The following RALYL variants were observed in gnomAD, a reference collection of about 807,000 sequenced individuals.
RALYL encodes the protein RALY RNA binding protein like, also known as RNA-binding Raly-like protein.
In RALYL, 29 loss-of-function variants were observed where a neutral mutation model predicts 35.1. That is an observed-to-expected ratio of 0.83 (90% CI 0.61 to 1.13). The LOEUF (loss-of-function observed/expected upper bound fraction) is 1.13, where lower values mean the gene tolerates loss of function less well. Among genes scored for constraint, RALYL ranks in the 50% most tolerant of loss-of-function variants. The pLI is 0.00. For synonymous variants in RALYL, 120 were observed against 127.6 expected, an observed-to-expected ratio of 0.94 and a Z score of 0.40; for missense variants, 359 against 360.4, an observed-to-expected ratio of 1.00 and a Z score of 0.03.
chr8:84,431,358 ATT>A (rs999991091), intron 1 of RALYL, among the ~76,000 whole-genome samples: 1 of 151,296 alleles, frequency 6.6e-6, no homozygotes, highest in African/African-American at 2.4e-5. Flanking sequence ...CAAAGTTAGG[ATT>A]TTTTTTTCGT....
chr8:84,191,805 A>G (rs1321985276), intron 1 of RALYL, among the ~76,000 whole-genome samples: 3 of 152,330 alleles, frequency 2.0e-5, no homozygotes, highest in African/African-American at 7.2e-5. Context: ...TTAAATTGAG[A>G]TAATTAAATG....
At chr8:84,393,682 G>C (rs940520309) in intron 1 of RALYL, among the ~76,000 whole-genome samples, 2 of 152,042 alleles carry the variant, frequency 1.3e-5, no homozygotes, top group Admixed American at 6.6e-5. Flanking sequence ...CTGCTACACA[G>C]AATAGTGTAT....
At chr8:84,497,222 T>C (rs1289328345) in intron 1 of RALYL, among the ~76,000 whole-genome samples, 3 of 152,082 alleles carry the variant, frequency 2.0e-5, no homozygotes, top group Non-Finnish European at 4.4e-5. Flanking sequence ...CTCTCAAGCA[T>C]GTAGAGGGAG....
intron 1 of RALYL, among the ~76,000 whole-genome samples, chr8:84,434,445 T>G (rs2047484818): frequency 6.6e-6 from 1 of 152,136 alleles, no homozygotes; most frequent in Admixed American, 6.6e-5. Context: ...TGTGAAATAT[T>G]CAAAAGTATA....
intron 2 of RALYL, among the ~76,000 whole-genome samples, chr8:84,708,800 T>C (rs778800509): frequency 1.7e-4 from 26 of 152,172 alleles, no homozygotes; most frequent in Non-Finnish European, 3.5e-4. Context: ...TTTGGAGTTT[T>C]ATAAAAGACA....
chr8:84,717,882 A>G (rs953550405), intron 2 of RALYL, among the ~76,000 whole-genome samples: 4 of 152,156 alleles, frequency 2.6e-5, no homozygotes, highest in Non-Finnish European at 5.9e-5. Context: ...TATGTACTTA[A>G]TAACCGTACA....
chr8:84,469,518 G>A (rs552932213), intron 1 of RALYL, among the ~76,000 whole-genome samples: 13 of 152,274 alleles, frequency 8.5e-5, no homozygotes, highest in East Asian at 1.9e-4. Flanking sequence ...CTCCAGCTGC[G>A]TCCTGGGAGA....
At chr8:84,457,651 C>T (rs915270347) in intron 1 of RALYL, among the ~76,000 whole-genome samples, 3 of 151,752 alleles carry the variant, frequency 2.0e-5, no homozygotes, top group Non-Finnish European at 2.9e-5. Flanking sequence ...TATCTTACGC[C>T]TTGTCTTAAC....
intron 6 of RALYL, among the ~76,000 whole-genome samples, chr8:84,870,153 T>A (rs1230918969): frequency 2.6e-5 from 4 of 152,170 alleles, no homozygotes; most frequent in Non-Finnish European, 5.9e-5. Flanking sequence ...CTGATTTTTG[T>A]TTGGTAATTC....
rs571914463 is a variant in RALYL at position 84,354,082 on chromosome 8, C to T, written c.-24+169658C>T. Reference sequence around the variant, plus strand: ...AAAAATAGATTTTTTTTTTTTCACACAGCCCTTTAAAAGAAAGTGTATTGT... The same window carrying T: ...AAAAATAGATTTTTTTTTTTTCACATAGCCCTTTAAAAGAAAGTGTATTGT... On this transcript the variant is annotated intron_variant, in intron 1 of 8. Coordinates refer to ENST00000521268, the MANE Select transcript of RALYL (RefSeq NM_173848.7). Among the ~76,000 whole-genome samples, 4 of 147,996 alleles carry T rather than the reference C, an allele frequency of 2.7e-5. 1 individual carries two copies. The highest frequency in any genetic ancestry group is 1.0e-4 in the African/African-American group (4 of 39,562).
At chr8:84,784,711 A>G (rs1818965319) in intron 3 of RALYL, among the ~76,000 whole-genome samples, 1 of 152,136 alleles carries the variant, frequency 6.6e-6, no homozygotes, top group Admixed American at 6.5e-5. Context: ...TCTTTGTGAG[A>G]GTAATTCTTC....
intron 4 of RALYL, among the ~76,000 whole-genome samples, chr8:84,829,963 A>G (rs867856483): frequency 1.4e-5 from 2 of 147,080 alleles, no homozygotes; most frequent in South Asian, 4.5e-4. Context: ...GCTCATCTAA[A>G]GAAGCTCACA....
chr8:84,804,882 A>C, intron 4 of RALYL, 80 bp downstream of exon 4: 1 of 725,198 alleles, frequency 1.4e-6, no homozygotes, highest in Non-Finnish European at 1.9e-6. Context: ...ATTTTCAGTC[A>C]TTTAACATCA....
chr8:84,218,971 C>A (rs970816021), intron 1 of RALYL, among the ~76,000 whole-genome samples: 9 of 152,066 alleles, frequency 5.9e-5, no homozygotes, highest in Admixed American at 2.6e-4. Context: ...ACATCTGAAT[C>A]ATGTTTCAGA....
chr8:84,643,660 A>G, intron 2 of RALYL, among the ~76,000 whole-genome samples: 1 of 152,086 alleles, frequency 6.6e-6, no homozygotes, highest in Non-Finnish European at 1.5e-5. Flanking sequence ...CTAAATGCAG[A>G]TCTGGCCACT....
rs1588924318 is a variant in RALYL, at chr8:84,674,409, T to C, written c.257-100170T>C. Among the ~76,000 whole-genome samples the C allele has an allele frequency of 2.0e-5, 3 of 152,296 alleles. 1 individual carries two copies. The South Asian group carries it at 6.2e-4, about 32-fold the overall frequency. On this transcript the variant is annotated intron_variant, in intron 2 of 8. Transcript: ENST00000521268. ...GCCCTGGCCAGAACTTCCAATATTA[T>C]ATTGAATAGAAATGGTGAGAGAGGG...
intron 1 of RALYL, among the ~76,000 whole-genome samples, chr8:84,495,451 T>C (rs1200505614): frequency 6.6e-6 from 1 of 152,102 alleles, no homozygotes; most frequent in Admixed American, 6.6e-5. Flanking sequence ...TTTTATTTTC[T>C]GTTTTAATTG....
At chr8:84,801,740 T>TAGAG (rs1823328502) in intron 3 of RALYL, among the ~76,000 whole-genome samples, 1 of 152,188 alleles carries the variant, frequency 6.6e-6, no homozygotes. Context: ...ATTGTTTAGT[T>TAGAG]AGAGAAGCAG....
At chr8:84,474,673 C>G (rs1054251988) in intron 1 of RALYL, among the ~76,000 whole-genome samples, 4 of 152,082 alleles carry the variant, frequency 2.6e-5, no homozygotes, top group African/African-American at 9.7e-5. Flanking sequence ...AAAGTTCAGT[C>G]TCATGACATT....
Sources: allele counts gnomAD v4.1 joint callset (sites outside exome capture counted in the v4.1 genomes callset), GRCh38; gene constraint gnomAD v4.1.1; transcripts MANE v1.5; gene names NCBI Gene and HGNC (gene_info 2026-07-23, HGNC 2026-07-21).